The following ZC3HC1 variants were observed in gnomAD, a reference collection of about 807,000 sequenced individuals.
The protein encoded by ZC3HC1 is zinc finger C3HC-type protein 1.
Under a neutral mutation model 61.9 loss-of-function variants are expected in ZC3HC1, and 38 were observed. The observed-to-expected ratio is 0.61, with a 90% CI of 0.47 to 0.81. The LOEUF is 0.81. Among genes scored for constraint, ZC3HC1 ranks in the 30% least tolerant of loss-of-function variants. ZC3HC1 has a pLI of 0.00. For synonymous variants in ZC3HC1, 213 were observed against 229.9 expected, an observed-to-expected ratio of 0.93 and a Z score of 0.67; for missense variants, 554 against 622.7, an observed-to-expected ratio of 0.89 and a Z score of 1.17.
intron 4 of ZC3HC1, among the ~76,000 whole-genome samples, chr7:130,037,425 C>T (rs1362925254): frequency 1.3e-5 from 2 of 152,010 alleles, no homozygotes; most frequent in Admixed American, 6.6e-5. Flanking sequence ...CCAGCCTGGG[C>T]GACAGAGCAA....
At chr7:130,040,591 A>G (rs1361854173) in intron 3 of ZC3HC1, among the ~76,000 whole-genome samples, 1 of 150,770 alleles carries the variant, frequency 6.6e-6, no homozygotes, top group Non-Finnish European at 1.5e-5. Flanking sequence ...GGATCACTTG[A>G]GCTCAGGAGT....
rs1793683088 is a variant in ZC3HC1, at chr7:130,022,357, G to A, written c.1402C>T (p.His468Tyr). The part of the protein sequence containing the change: ...WKAVLTILLA[H>Y]KQSSQPAETD... ...TCAGCTGGCTGGCTAGACTGTTTGT[G>A]CGCCAAGAGGATGGTCAGCACTGCT... is the stretch of plus-strand genomic sequence containing the variant. Residue 468 changes from histidine (H) to tyrosine (Y), a missense_variant, in exon 9 of 10, where the codon CAC becomes TAC. Coordinates refer to ENST00000358303, the MANE Select transcript of ZC3HC1 (RefSeq NM_016478.5). 6.2e-7 allele frequency: 1 copy of A among 1,614,086 alleles called. No homozygotes were observed. Among genetic ancestry groups the A allele is most frequent in the Non-Finnish European group, 8.5e-7 (1 of 1,180,020 alleles).
chr7:130,028,800 C>T (rs1794045196), intron 5 of ZC3HC1, 102 bp downstream of exon 5: 1 of 1,462,518 alleles, frequency 6.8e-7, no homozygotes, highest in South Asian at 1.4e-5. Flanking sequence ...ACAAGCAGTT[C>T]TCTTCACAGC....
chr7:130,023,541 C>T lies in ZC3HC1; in HGVS notation c.1203G>A (p.Lys401=), dbSNP rs751739351. 1 of 1,614,200 alleles carries T rather than the reference C, an allele frequency of 6.2e-7. No homozygotes were observed. Among genetic ancestry groups the T allele is most frequent in the Non-Finnish European group, 8.5e-7 (1 of 1,180,046 alleles). Residue 401 remains lysine, a synonymous_variant, in exon 8 of 10, where the codon AAG becomes AAA. Transcript: ENST00000358303. The surrounding 1 kb of genome is among the most constrained non-coding windows in gnomAD (Gnocchi z 4.2). ...TGCTGGAGGAGCAGAGGCGAGCTCG[C>T]TTGGCTTTCCGCAGAGGGCTAGATG... is the stretch of plus-strand genomic sequence containing the variant. ...EVPSSPLRKA[K]RARLCSSSSS... is the part of the protein sequence containing the mutation.
In ZC3HC1 at chr7:130,040,888, C is replaced by A. The variant is rs185290350; in HGVS notation, c.409+63G>T. 6.8e-5 allele frequency: 98 copies of A among 1,442,134 alleles called. No homozygotes were observed. In the African/African-American group the frequency reaches 1.0e-3, roughly 15 times the overall value. 89.3% of individuals were successfully genotyped at this position (1,442,134 alleles called of 1,614,324 possible). A position where few individuals can be genotyped will look rare whatever the true frequency, so the allele number is the denominator to read the frequency against. ...ACTAAAATGACCTTTTTTCCCCCCCCAGAAAACCAGGATAGTATATATTTG... is the reference window on the plus strand; with the variant it reads ...ACTAAAATGACCTTTTTTCCCCCCCAAGAAAACCAGGATAGTATATATTTG... On this transcript the variant is annotated intron_variant, in intron 3 of 9. Transcript: ENST00000358303.
At chr7:130,020,505 C>T (rs1265364797) in intron 9 of ZC3HC1, among the ~76,000 whole-genome samples, 1 of 151,388 alleles carries the variant, frequency 6.6e-6, no homozygotes, top group Non-Finnish European at 1.5e-5. Flanking sequence ...CAGGTGATTC[C>T]CCTGCGTCAG....
At chr7:130,042,948 G>GTAA (rs1794736442) in intron 2 of ZC3HC1, among the ~76,000 whole-genome samples, 1 of 152,158 alleles carries the variant, frequency 6.6e-6, no homozygotes, top group African/African-American at 2.4e-5. Flanking sequence ...GCCTTCCATG[G>GTAA]TGCTGGGATT....
At chr7:130,039,200 T>G in intron 4 of ZC3HC1, 1 of 398,534 alleles carries the variant, frequency 2.5e-6, no homozygotes, top group Non-Finnish European at 4.5e-6. Context: ...CAAAATTAGC[T>G]GGGCGTGGTG....
intron 8 of ZC3HC1, among the ~76,000 whole-genome samples, chr7:130,022,804 G>A (rs1450603603): frequency 3.3e-5 from 5 of 152,082 alleles, no homozygotes; most frequent in African/African-American, 4.8e-5. Context: ...AACAGCAGGC[G>A]GGCAAGCAAA....
chr7:130,018,864 T>C lies in ZC3HC1; in HGVS notation c.1441-132A>G, dbSNP rs1335430127. 1.5e-5 allele frequency: 10 copies of C among 684,466 alleles called. No homozygotes were observed. The East Asian group carries it at 2.3e-4, about 15-fold the overall frequency. The allele number at this position is 684,466 out of a possible 1,614,324, so 42.4% of individuals were successfully genotyped here. ...TCATTTTGTAGTATGCTATACATAA[T>C]GTATACCTAAAGTCAGACTAAAGAT... is the stretch of plus-strand genomic sequence containing the variant. On this transcript the variant is annotated intron_variant, in intron 9 of 9. Coordinates refer to ENST00000358303, the MANE Select transcript of ZC3HC1 (RefSeq NM_016478.5).
At chr7:130,042,120 C>T (rs891025689) in intron 2 of ZC3HC1, among the ~76,000 whole-genome samples, 2 of 151,708 alleles carry the variant, frequency 1.3e-5, no homozygotes, top group East Asian at 1.9e-4. Flanking sequence ...CTGGGCAACA[C>T]GGCGACACCT....
At chr7:130,042,558 G>C (rs942587084) in intron 2 of ZC3HC1, among the ~76,000 whole-genome samples, 3 of 152,150 alleles carry the variant, frequency 2.0e-5, no homozygotes, top group Admixed American at 1.3e-4. Context: ...AAATTTGATT[G>C]CTAGTATCAA....
chr7:130,020,757 G>A (rs1241665360), intron 9 of ZC3HC1, among the ~76,000 whole-genome samples: 8 of 151,976 alleles, frequency 5.3e-5, no homozygotes, highest in African/African-American at 1.2e-4. Context: ...TTTCTTTTTC[G>A]TATGGCAGTG....
intron 5 of ZC3HC1, among the ~76,000 whole-genome samples, chr7:130,027,854 G>A (rs1335333729): frequency 6.6e-6 from 1 of 151,530 alleles, no homozygotes; most frequent in African/African-American, 2.4e-5. Flanking sequence ...CTCACAAGGA[G>A]AAAGGAGTTT....
Position 130,018,331 on chromosome 7 carries a change from T to C in ZC3HC1, c.*333A>G, listed in dbSNP as rs777848740. ...TTATTAATACACACTGTCATAGTCC[T>C]AGGATAGAAGAGTCCTCAGAACACT... On this transcript the variant is annotated 3_prime_UTR_variant, in exon 10 of 10. Coordinates refer to ENST00000358303, the MANE Select transcript of ZC3HC1 (RefSeq NM_016478.5). 2 of 235,390 alleles carry C rather than the reference T, an allele frequency of 8.5e-6. No homozygotes were observed. The highest frequency in any genetic ancestry group is 1.6e-5 in the Non-Finnish European group (2 of 122,632). The allele number at this position is 235,390 out of a possible 1,614,324, so 14.6% of individuals were successfully genotyped here. A position where few individuals can be genotyped will look rare whatever the true frequency, so the allele number is the denominator to read the frequency against.
intron 9 of ZC3HC1, among the ~76,000 whole-genome samples, chr7:130,019,285 G>A (rs958599149): frequency 6.6e-6 from 1 of 152,036 alleles, no homozygotes; most frequent in Non-Finnish European, 1.5e-5. Flanking sequence ...TCCTGACCTC[G>A]TGATCCGCCT....
chr7:130,032,890 G>T (rs1005794564), intron 4 of ZC3HC1, among the ~76,000 whole-genome samples: 16 of 152,018 alleles, frequency 1.1e-4, no homozygotes, highest in African/African-American at 3.1e-4. Flanking sequence ...CTACCTGATA[G>T]AAGAAATAAT....
At chr7:130,026,135 C>T in intron 6 of ZC3HC1, 23 bp downstream of exon 6, 1 of 1,607,388 alleles carries the variant, frequency 6.2e-7, no homozygotes, top group Admixed American at 1.7e-5. Flanking sequence ...GTTCATGTCT[C>T]CAGGCAAAAT....
chr7:130,024,444 C>T lies in ZC3HC1; in HGVS notation c.839G>A (p.Gly280Glu). ...TTCAATCTGCTGGAAGCCCCAGAGC[C>T]CCACCTTCCTCATACATTGCGAACA... Reference protein sequence around the residue: ...ITCSQCMRKVGLWGFQQIESS... With the variant: ...ITCSQCMRKVELWGFQQIESS... The change falls in exon 7 of 10, where the codon GGG becomes GAG. Residue 280 changes from glycine to glutamate, a missense_variant. By Grantham distance (98) the Gly-to-Glu change is moderately conservative (BLOSUM62 -2). Coordinates refer to ENST00000358303, the MANE Select transcript of ZC3HC1 (RefSeq NM_016478.5). 6.2e-7 allele frequency: 1 copy of T among 1,614,146 alleles called. No individual in the cohort carries two copies. The highest frequency in any genetic ancestry group is 2.2e-5 in the East Asian group (1 of 44,886).
Sources: allele counts gnomAD v4.1 joint callset (sites outside exome capture counted in the v4.1 genomes callset), GRCh38; gene constraint gnomAD v4.1.1; non-coding constraint Gnocchi (gnomAD v3.1); transcripts MANE v1.5; gene names NCBI Gene and HGNC (gene_info 2026-07-23, HGNC 2026-07-21).